Variants in WWOX observed in about 807,000 individuals in gnomAD.
WWOX encodes WW domain containing oxidoreductase, also known as WW domain-containing oxidoreductase.
Under a neutral mutation model 46.2 loss-of-function variants are expected in WWOX, and 69 were observed. The ratio of observed to expected loss-of-function variants is 1.49; its 90% CI spans 1.23 to 1.82. The LOEUF (loss-of-function observed/expected upper bound fraction) is 1.82, where lower values mean the gene tolerates loss of function less well. WWOX is among the 40% of genes most tolerant of loss of function. The probability of loss-of-function intolerance (pLI) is 0.00; values close to 1 mark genes in which losing one functional copy is unlikely to be tolerated. For synonymous variants in WWOX, 359 were observed against 202.6 expected, an observed-to-expected ratio of 1.77 and a Z score of -6.56; for missense variants, 919 against 542.6, an observed-to-expected ratio of 1.69 and a Z score of -6.89.
chr16:78,774,272 G>T (rs1165694711), intron 8 of WWOX, among the ~76,000 whole-genome samples: 2 of 152,136 alleles, frequency 1.3e-5, no homozygotes, highest in African/African-American at 4.8e-5. Flanking sequence ...GTGGTAGCAG[G>T]CGCCTGTAAT....
At chr16:79,013,541 G>A (rs770385776) in intron 8 of WWOX, among the ~76,000 whole-genome samples, 1 of 152,160 alleles carries the variant, frequency 6.6e-6, no homozygotes, top group Non-Finnish European at 1.5e-5. Context: ...GACAGCAAAA[G>A]CACACACAAT....
intron 8 of WWOX, among the ~76,000 whole-genome samples, chr16:78,824,042 T>A (rs1165611257): frequency 1.3e-5 from 2 of 152,178 alleles, no homozygotes; most frequent in Non-Finnish European, 2.9e-5. Context: ...ACGTGTTCAT[T>A]GTAGGTTTCT....
At chr16:78,292,027 T>G (rs1292483664) in intron 5 of WWOX, among the ~76,000 whole-genome samples, 1 of 152,108 alleles carries the variant, frequency 6.6e-6, no homozygotes, top group African/African-American at 2.4e-5. Context: ...AAACACCTGT[T>G]TTTTGTATGG....
At chr16:78,571,642 G>A (rs182987360) in intron 8 of WWOX, among the ~76,000 whole-genome samples, 1 of 152,174 alleles carries the variant, frequency 6.6e-6, no homozygotes. Context: ...TCCAAGGCAG[G>A]TGGATTACTT....
chr16:78,116,208 A>G (rs991729954), intron 4 of WWOX, among the ~76,000 whole-genome samples: 2 of 151,846 alleles, frequency 1.3e-5, no homozygotes, highest in Non-Finnish European at 2.9e-5. Flanking sequence ...TATTAACTAT[A>G]ATCAACTTGT....
intron 5 of WWOX, among the ~76,000 whole-genome samples, chr16:78,219,419 C>A (rs1163310552): frequency 1.3e-5 from 2 of 152,030 alleles, no homozygotes; most frequent in Non-Finnish European, 2.9e-5. Context: ...TAAAATGAAG[C>A]CGACAAAATG....
rs143175430 is a variant in WWOX at position 79,014,923 on chromosome 16, A to G, written c.1057-196685A>G. On this transcript the variant is annotated intron_variant, in intron 8 of 8. Coordinates refer to ENST00000566780, the MANE Select transcript of WWOX (RefSeq NM_016373.4). ...TTTACTGATACCTGTGGTGGCACCC[A>G]GGAAGGACTAGGAATGCTCTGTGAT... 4.4e-3 allele frequency among the ~76,000 whole-genome samples: 667 copies of G among 152,328 alleles called. 5 individuals are homozygous for G. The highest frequency in any genetic ancestry group is 0.015 in the African/African-American group (626 of 41,578).
rs183609005 is a variant in WWOX at position 78,545,506 on chromosome 16, C to G, written c.1056+112754C>G. Among the ~76,000 whole-genome samples the G allele has an allele frequency of 3.1e-3, 471 of 152,260 alleles. 2 individuals carry two copies. Among genetic ancestry groups the G allele is most frequent in the Non-Finnish European group, 2.4e-3 (165 of 68,022 alleles). ...TAGCTGGGACGACAGGTGCCTGCAA[C>G]CATGTCTGGCTTAAATCCATCCTTA... On this transcript the variant is annotated intron_variant, in intron 8 of 8. Transcript: ENST00000566780.
At chr16:78,912,997 A>T (rs1165011388) in intron 8 of WWOX, among the ~76,000 whole-genome samples, 1 of 152,028 alleles carries the variant, frequency 6.6e-6, no homozygotes, top group Non-Finnish European at 1.5e-5. Flanking sequence ...AAGGATGATT[A>T]GCCTTCCATC....
At chr16:78,797,291 A>G (rs900667233) in intron 8 of WWOX, among the ~76,000 whole-genome samples, 2 of 150,114 alleles carry the variant, frequency 1.3e-5, no homozygotes, top group African/African-American at 2.5e-5. Context: ...ATAAGAACAC[A>G]TAATTACAAG....
intron 8 of WWOX, among the ~76,000 whole-genome samples, chr16:79,142,934 G>A (rs1023623155): frequency 2.0e-5 from 3 of 152,024 alleles, no homozygotes; most frequent in African/African-American, 7.2e-5. Context: ...GAACTCCTGG[G>A]CTCAAGCCAC....
chr16:78,773,004 A>G (rs936361770), intron 8 of WWOX, among the ~76,000 whole-genome samples: 1 of 152,192 alleles, frequency 6.6e-6, no homozygotes, highest in African/African-American at 2.4e-5. Context: ...CAGCCTGGGC[A>G]TCAAGGTCTG....
rs767830374 is a variant in WWOX at position 78,701,234 on chromosome 16, A to G, written c.1056+268482A>G. Reference sequence around the variant, plus strand: ...ATTTAGTTATCTACTTTACATGTACATGTAAAGAACTAGGGATATCTGTAT... The same window carrying G: ...ATTTAGTTATCTACTTTACATGTACGTGTAAAGAACTAGGGATATCTGTAT... On this transcript the variant is annotated intron_variant, in intron 8 of 8. Coordinates refer to ENST00000566780, the MANE Select transcript of WWOX (RefSeq NM_016373.4). Among the ~76,000 whole-genome samples, 5 of 152,158 alleles carry G rather than the reference A, an allele frequency of 3.3e-5. No individual in the cohort carries two copies. In the South Asian group the frequency reaches 6.2e-4, roughly 19 times the overall value.
intron 8 of WWOX, among the ~76,000 whole-genome samples, chr16:78,588,527 G>A (rs2045273641): frequency 6.6e-6 from 1 of 152,192 alleles, no homozygotes; most frequent in Admixed American, 6.5e-5. Flanking sequence ...AGGTCATGAA[G>A]AGGAATGAAA....
At chr16:78,731,617 A>G (rs2048970478) in intron 8 of WWOX, among the ~76,000 whole-genome samples, 3 of 152,028 alleles carry the variant, frequency 2.0e-5, no homozygotes. Context: ...CTTGAAATTC[A>G]GAATAGATGG....
chr16:78,789,524 C>T (rs1230557130), intron 8 of WWOX, among the ~76,000 whole-genome samples: 1 of 152,218 alleles, frequency 6.6e-6, no homozygotes, highest in Non-Finnish European at 1.5e-5. Context: ...GTCCTTATGC[C>T]ATTGCCACAT....
chr16:78,501,458 C>G (rs146346942), intron 8 of WWOX, among the ~76,000 whole-genome samples: 57 of 151,962 alleles, frequency 3.8e-4, no homozygotes, highest in African/African-American at 1.0e-3. Flanking sequence ...CTTTAAAGTT[C>G]CAACCTTTTT....
intron 8 of WWOX, among the ~76,000 whole-genome samples, chr16:79,120,646 C>T (rs765208401): frequency 6.6e-6 from 1 of 152,214 alleles, no homozygotes; most frequent in Non-Finnish European, 1.5e-5. Context: ...TTGTTCTTCG[C>T]CCTTCCCGGC....
At chr16:78,915,875 G>A (rs1205964723) in intron 8 of WWOX, among the ~76,000 whole-genome samples, 1 of 152,138 alleles carries the variant, frequency 6.6e-6, no homozygotes, top group Non-Finnish European at 1.5e-5. Flanking sequence ...AACGCTCAAA[G>A]AAGAAAAATA....
Sources: allele counts gnomAD v4.1 joint callset (sites outside exome capture counted in the v4.1 genomes callset), GRCh38; gene constraint gnomAD v4.1.1; transcripts MANE v1.5; gene names NCBI Gene and HGNC (gene_info 2026-07-23, HGNC 2026-07-21).